AGMO: variants seen among roughly 807,000 people sequenced by gnomAD.
AGMO encodes glyceryl-ether monooxygenase.
Under a neutral mutation model 60.2 loss-of-function variants are expected in AGMO, and 75 were observed. The ratio of observed to expected loss-of-function variants is 1.25; its 90% CI spans 1.03 to 1.51. AGMO has a LOEUF of 1.51. AGMO is among the 40% of genes most tolerant of loss of function. The pLI is 0.00. For synonymous variants in AGMO, 261 were observed against 177.1 expected, an observed-to-expected ratio of 1.47 and a Z score of -3.76; for missense variants, 763 against 525.5, an observed-to-expected ratio of 1.45 and a Z score of -4.42.
intron 5 of AGMO, chr7:15,396,374 T>C (rs917907805): frequency 6.6e-6 from 1 of 152,272 alleles, no homozygotes; most frequent in Admixed American, 6.5e-5. Context: ...CAGTGAGTGT[T>C]ACAGTTCGTA....
intron 12 of AGMO, among the ~76,000 whole-genome samples, chr7:15,284,173 C>A (rs1784041477): frequency 6.6e-6 from 1 of 151,704 alleles, no homozygotes; most frequent in African/African-American, 2.4e-5. Context: ...CTCAGGCAAC[C>A]AGAGAAACAA....
At chr7:15,395,338 G>A (rs1051138071) in intron 5 of AGMO, among the ~76,000 whole-genome samples, 5 of 152,160 alleles carry the variant, frequency 3.3e-5, no homozygotes, top group Admixed American at 3.3e-4. Flanking sequence ...AGATAAGACT[G>A]CTTAAAATTA....
intron 12 of AGMO, among the ~76,000 whole-genome samples, chr7:15,243,736 G>A (rs1485673559): frequency 1.3e-5 from 2 of 152,042 alleles, no homozygotes; most frequent in African/African-American, 4.8e-5. Context: ...TTCCAAAAAT[G>A]CACAATCTGT....
At chr7:15,448,616 T>C (rs1165722872) in intron 3 of AGMO, among the ~76,000 whole-genome samples, 1 of 150,520 alleles carries the variant, frequency 6.6e-6, no homozygotes, top group Non-Finnish European at 1.5e-5. Context: ...GTTTAATTTT[T>C]TTTTTTTTTT....
intron 12 of AGMO, among the ~76,000 whole-genome samples, chr7:15,202,458 CA>C (rs71004370): frequency 5.8e-3 from 262 of 45,338 alleles, no homozygotes; most frequent in African/African-American, 0.014. Context: ...TACAAATGAG[CA>C]AAAAAAAAAA....
At chr7:15,373,343 C>T (rs1783305469) in intron 10 of AGMO, among the ~76,000 whole-genome samples, 1 of 151,924 alleles carries the variant, frequency 6.6e-6, no homozygotes, top group Admixed American at 6.6e-5. Flanking sequence ...TGATGGTTTA[C>T]ATTTGCAGCC....
At chr7:15,427,170 A>G (rs1781088942) in intron 4 of AGMO, among the ~76,000 whole-genome samples, 1 of 152,220 alleles carries the variant, frequency 6.6e-6, no homozygotes, top group Admixed American at 6.5e-5. Context: ...CCCAGGAAAC[A>G]ATGTCTACTG....
Position 15,311,750 on chromosome 7 carries a change from C to A in AGMO, c.1263+53764G>T, listed in dbSNP as rs1780775010. Among the ~76,000 whole-genome samples, 3 of 152,108 alleles carry A rather than the reference C, an allele frequency of 2.0e-5. No homozygotes were observed. In the South Asian group the frequency reaches 6.2e-4, roughly 31 times the overall value. On this transcript the variant is annotated intron_variant, in intron 12 of 12. Coordinates refer to ENST00000342526, the MANE Select transcript of AGMO (RefSeq NM_001004320.2). ...AAAACAAAGCATTTAAGTGAGAACA[C>A]ACACAAACAGTGGAAAATAGAAATT...
intron 5 of AGMO, among the ~76,000 whole-genome samples, chr7:15,402,143 T>G (rs181734732): frequency 6.6e-6 from 1 of 152,200 alleles, no homozygotes; most frequent in Admixed American, 6.5e-5. Flanking sequence ...ATGACAATTT[T>G]TAAAGATTAA....
At chr7:15,259,571 C>A (rs1204511102) in intron 12 of AGMO, among the ~76,000 whole-genome samples, 2 of 152,030 alleles carry the variant, frequency 1.3e-5, no homozygotes, top group African/African-American at 4.8e-5. Flanking sequence ...CTGGGAAACT[C>A]ATTGCTAAAA....
intron 3 of AGMO, among the ~76,000 whole-genome samples, chr7:15,509,687 A>G (rs1783621054): frequency 1.3e-5 from 2 of 152,176 alleles, no homozygotes; most frequent in Admixed American, 6.5e-5. Context: ...TATATGACCC[A>G]AGATATAGGA....
At chr7:15,135,610 AAAT>A in the AGMO span, among the ~76,000 whole-genome samples, 1 of 152,314 alleles carries the variant, frequency 6.6e-6, no homozygotes, top group East Asian at 1.9e-4. Context: ...GTAGTATATC[AAAT>A]AATAAAAACT....
chr7:15,488,750 ATT>A (rs1467382151), intron 3 of AGMO, among the ~76,000 whole-genome samples: 1 of 152,108 alleles, frequency 6.6e-6, no homozygotes, highest in Non-Finnish European at 1.5e-5. Flanking sequence ...GGCAAGAAAG[ATT>A]TTACATTTGC....
At chr7:15,143,584 G>A in the AGMO span, among the ~76,000 whole-genome samples, 1 of 152,006 alleles carries the variant, frequency 6.6e-6, no homozygotes, top group South Asian at 2.1e-4. Context: ...TTGGTGTTTG[G>A]TACTATGGGT....
intron 2 of AGMO, among the ~76,000 whole-genome samples, chr7:15,555,270 C>CATATATATAT (rs375890408): frequency 6.1e-5 from 7 of 114,054 alleles, no homozygotes; most frequent in South Asian, 2.7e-4. Flanking sequence ...TGTATTGGAT[C>CATATATATAT]ATATATATAT....
At chr7:15,342,667 G>GA (rs569023223) in intron 12 of AGMO, among the ~76,000 whole-genome samples, 61 of 148,104 alleles carry the variant, frequency 4.1e-4, no homozygotes, top group African/African-American at 1.4e-3. Context: ...GTGTGTGTGT[G>GA]TAAAAGCTTG....
the AGMO span, among the ~76,000 whole-genome samples, chr7:15,194,334 G>C: frequency 6.6e-6 from 1 of 151,674 alleles, no homozygotes; most frequent in Non-Finnish European, 1.5e-5. Flanking sequence ...TTTATTTTTT[G>C]TTTGTGCACA....
intron 12 of AGMO, among the ~76,000 whole-genome samples, chr7:15,327,740 CTTTTTTTTTTTTT>C (rs546851399): frequency 1.1e-5 from 1 of 88,024 alleles, no homozygotes; most frequent in Non-Finnish European, 2.1e-5. Context: ...TGATTTCTTT[CTTTTTTTTTTTTT>C]TTTTTTTTTT....
chr7:15,492,153 T>C (rs1394182956), intron 3 of AGMO, among the ~76,000 whole-genome samples: 2 of 152,138 alleles, frequency 1.3e-5, no homozygotes, highest in Non-Finnish European at 2.9e-5. Flanking sequence ...GAGATATGTT[T>C]TTTAATTGTG....
Sources: allele counts gnomAD v4.1 joint callset (sites outside exome capture counted in the v4.1 genomes callset), GRCh38; gene constraint gnomAD v4.1.1; transcripts MANE v1.5; gene names NCBI Gene and HGNC (gene_info 2026-07-23, HGNC 2026-07-21).